The following SNAP91 variants were observed in gnomAD, a reference collection of about 807,000 sequenced individuals.
SNAP91 encodes the protein synaptosome associated protein 91.
SNAP91 carries 27 observed loss-of-function variants against 100.3 expected under a neutral mutation model. That is an observed-to-expected ratio of 0.27 (90% CI 0.20 to 0.37). SNAP91 has a LOEUF of 0.37. SNAP91 is among the 10% of genes least tolerant of loss of function. The pLI, the probability that SNAP91 is intolerant of heterozygous loss-of-function variation, is 1.00. For synonymous variants in SNAP91, 404 were observed against 398.6 expected (o/e 1.01, Z -0.16); for missense variants, 986 against 1,123.7 (o/e 0.88, Z 1.75).
intron 26 of SNAP91, among the ~76,000 whole-genome samples, chr6:83,563,513 A>C (rs1791687717): frequency 6.6e-6 from 1 of 152,246 alleles, no homozygotes; most frequent in Admixed American, 6.5e-5. Context: ...GGCAGTTAGC[A>C]GGAAAAAGCA....
intron 16 of SNAP91, among the ~76,000 whole-genome samples, chr6:83,597,695 T>C (rs539766267): frequency 1.3e-5 from 2 of 152,314 alleles, no homozygotes; most frequent in Non-Finnish European, 2.9e-5. Flanking sequence ...AGCTGTTGTT[T>C]CCCTCAGCCT....
intron 2 of SNAP91, among the ~76,000 whole-genome samples, chr6:83,683,815 G>A (rs539329495): frequency 6.6e-6 from 1 of 152,252 alleles, no homozygotes; most frequent in East Asian, 1.9e-4. Context: ...GCCTAGCTCA[G>A]ATAATGGTAC....
chr6:83,611,390 G>C (rs777482657), intron 11 of SNAP91: 5 of 447,894 alleles, frequency 1.1e-5, no homozygotes, highest in Middle Eastern at 3.3e-4. Context: ...GACTATTGCA[G>C]ATCACTTCTA....
intron 22 of SNAP91, among the ~76,000 whole-genome samples, chr6:83,585,229 C>CT (rs1339295771): frequency 8.5e-5 from 13 of 152,096 alleles, no homozygotes; most frequent in Admixed American, 8.5e-4. Flanking sequence ...AGACGTTTAG[C>CT]TGGGTATGGT....
At chr6:83,689,904 T>A (rs1428785993) in intron 2 of SNAP91, among the ~76,000 whole-genome samples, 1 of 152,098 alleles carries the variant, frequency 6.6e-6, no homozygotes, top group Non-Finnish European at 1.5e-5. Context: ...TCTCAAGATA[T>A]AAAATTTCAT....
At chr6:83,572,819 T>C (rs762867268) in intron 26 of SNAP91, among the ~76,000 whole-genome samples, 8 of 152,208 alleles carry the variant, frequency 5.3e-5, no homozygotes, top group Admixed American at 5.2e-4. Context: ...ATAATGATAA[T>C]ATAGATTACA....
intron 7 of SNAP91, among the ~76,000 whole-genome samples, chr6:83,649,977 T>G (rs142145496): frequency 6.6e-6 from 1 of 152,310 alleles, no homozygotes; most frequent in East Asian, 1.9e-4. Context: ...GTTCATTTCT[T>G]TCCCATGTGG....
At chr6:83,601,512 T>C in intron 15 of SNAP91, 73 bp downstream of exon 15, 2 of 1,610,796 alleles carry the variant, frequency 1.2e-6, no homozygotes, top group South Asian at 1.1e-5. Flanking sequence ...AGACTCCAAA[T>C]GATCAAAATA....
At chr6:83,567,101 G>T (rs1797727238) in intron 26 of SNAP91, among the ~76,000 whole-genome samples, 1 of 152,100 alleles carries the variant, frequency 6.6e-6, no homozygotes, top group Non-Finnish European at 1.5e-5. Context: ...ACCACACCCA[G>T]CTAACTTTTT....
intron 29 of SNAP91, among the ~76,000 whole-genome samples, chr6:83,555,833 A>G (rs75893641): frequency 0.024 from 3,585 of 152,288 alleles, 130 homozygotes; most frequent in African/African-American, 0.081. Flanking sequence ...AATTCAAGTC[A>G]TCATGTAATA....
chr6:83,560,116 T>C lies in SNAP91; in HGVS notation c.2619A>G (p.Val873=). Residue 873 remains valine, a synonymous_variant, in exon 28 of 30, where the codon GTA becomes GTG. Coordinates refer to ENST00000369694, the MANE Select transcript of SNAP91 (RefSeq NM_001242792.2). ...TGAAGAAACTGACCTGCGTGCCAGG[T>C]ACAGCGGCAGCTCCAAAGGGGGGCC... The part of the protein sequence containing the change: ...MMRPPFGAAA[V]PGTQLSPSPT... 6.2e-7 allele frequency: 1 copy of C among 1,613,752 alleles called. No homozygotes were observed. The highest frequency in any genetic ancestry group is 8.5e-7 in the Non-Finnish European group (1 of 1,179,750).
chr6:83,558,485 T>C (rs490132), intron 28 of SNAP91, among the ~76,000 whole-genome samples: 117,664 of 152,240 alleles, frequency 0.77, 45,868 homozygotes, highest in East Asian at 0.88. Context: ...AAGGCTAGGG[T>C]TTCTCACATT....
rs2095722703 is a variant in SNAP91 at position 83,607,713 on chromosome 6, C to CG, written c.1007dup (p.Ala337GlyfsTer8). The CG allele has an allele frequency of 6.3e-7, 1 of 1,577,086 alleles. No homozygotes were observed. Among genetic ancestry groups the CG allele is most frequent in the Admixed American group, 1.8e-5 (1 of 54,848 alleles). ...TATTTACCAACCTGACTGGGACAGC[C>CG]GCAGATGCAGTTGCAAATAAATCAA... On this transcript the variant is annotated frameshift_variant, in exon 13 of 30. Coordinates refer to ENST00000369694, the MANE Select transcript of SNAP91 (RefSeq NM_001242792.2). LOFTEE classifies it high-confidence loss of function.
intron 10 of SNAP91, among the ~76,000 whole-genome samples, chr6:83,615,874 G>T (rs1323501737): frequency 6.6e-6 from 1 of 152,126 alleles, no homozygotes; most frequent in Non-Finnish European, 1.5e-5. Flanking sequence ...CATTTTGATA[G>T]CTCTGTCATA....
intron 2 of SNAP91, among the ~76,000 whole-genome samples, chr6:83,683,271 T>A (rs941575293): frequency 1.2e-4 from 19 of 152,144 alleles, no homozygotes; most frequent in African/African-American, 4.6e-4. Context: ...TAGTCAAGAC[T>A]CTCTTAGTAA....
At chr6:83,705,912 C>T (rs2099372030) in intron 2 of SNAP91, among the ~76,000 whole-genome samples, 1 of 152,130 alleles carries the variant, frequency 6.6e-6, no homozygotes, top group Admixed American at 6.5e-5. Context: ...AGTAACTGCT[C>T]AATAAATGTT....
At chr6:83,663,496 G>A (rs1486189357) in intron 3 of SNAP91, among the ~76,000 whole-genome samples, 1 of 152,114 alleles carries the variant, frequency 6.6e-6, no homozygotes, top group African/African-American at 2.4e-5. Flanking sequence ...TGTTTGAGTG[G>A]TCTGGATAAA....
chr6:83,685,989 T>C lies in SNAP91; in HGVS notation c.131-20408A>G, dbSNP rs979184559. On this transcript the variant is annotated intron_variant, in intron 2 of 29. Coordinates refer to ENST00000369694, the MANE Select transcript of SNAP91 (RefSeq NM_001242792.2). Reference sequence around the variant, plus strand: ...TATTTCTTTTTGATTCTCTTATCCTTACCTCACATGTAAGCTCTACAAGGA... The same window carrying C: ...TATTTCTTTTTGATTCTCTTATCCTCACCTCACATGTAAGCTCTACAAGGA... 2.4e-4 allele frequency: 39 copies of C among 163,560 alleles called. 1 individual carries two copies. The highest frequency in any genetic ancestry group is 1.4e-3 in the South Asian group (7 of 5,040). 10.1% of individuals were successfully genotyped at this position (163,560 alleles called of 1,614,324 possible). A position where few individuals can be genotyped will look rare whatever the true frequency, so the allele number is the denominator to read the frequency against.
chr6:83,659,368 G>A (rs2098482397), intron 5 of SNAP91, among the ~76,000 whole-genome samples: 1 of 151,204 alleles, frequency 6.6e-6, no homozygotes, highest in South Asian at 2.1e-4. Context: ...CTGAATTTAT[G>A]AATGGATTTT....
Sources: allele counts gnomAD v4.1 joint callset (sites outside exome capture counted in the v4.1 genomes callset), GRCh38; gene constraint gnomAD v4.1.1; transcripts MANE v1.5; gene names NCBI Gene and HGNC (gene_info 2026-07-23, HGNC 2026-07-21).